Variants in RFX3 observed in about 807,000 individuals in gnomAD.
RFX3 encodes regulatory factor X3, also known as transcription factor RFX3.
RFX3 carries 14 observed loss-of-function variants against 98.6 expected under a neutral mutation model. The observed-to-expected ratio is 0.14, with a 90% CI of 0.09 to 0.22. RFX3 has a LOEUF of 0.22. Ranked by LOEUF, RFX3 falls within the 10% of genes least tolerant of loss-of-function variation. The pLI is 1.00. For missense variants in RFX3, 639 were observed against 926.9 expected (o/e 0.69, Z 4.03); for synonymous variants, 383 against 328.4 (o/e 1.17, Z -1.80).
chr9:3,317,037 C>G lies in RFX3; in HGVS notation c.474+13222G>C, dbSNP rs979511755. 2.0e-5 allele frequency among the ~76,000 whole-genome samples: 3 copies of G among 152,058 alleles called. No individual in the cohort carries two copies. In the South Asian group the frequency reaches 6.2e-4, roughly 31 times the overall value. On this transcript the variant is annotated intron_variant, in intron 4 of 16. Coordinates refer to ENST00000617270, the MANE Select transcript of RFX3 (RefSeq NM_001282116.2). ...AAACTACTTTAAAGTTCATATGGAA[C>G]CAAAAAAGAGCCCGCATTGCCCAGA...
At chr9:3,271,553 TTCTCTCTC>T (rs566339858) in intron 9 of RFX3, among the ~76,000 whole-genome samples, 1,976 of 142,242 alleles carry the variant, frequency 0.014, 20 homozygotes, top group Middle Eastern at 0.026. Context: ...CTTTCTCTCT[TTCTCTCTC>T]TCTTTCTTTC....
At chr9:3,329,861 G>A (rs1274762054) in intron 4 of RFX3, among the ~76,000 whole-genome samples, 1 of 152,076 alleles carries the variant, frequency 6.6e-6, no homozygotes, top group Non-Finnish European at 1.5e-5. Flanking sequence ...TGAAAGATGT[G>A]AAAATTCCAA....
intron 15 of RFX3, among the ~76,000 whole-genome samples, chr9:3,245,934 G>A (rs1470436073): frequency 6.6e-6 from 1 of 152,130 alleles, no homozygotes; most frequent in Non-Finnish European, 1.5e-5. Flanking sequence ...AGGATAATGT[G>A]AGGAGAACAT....
chr9:3,382,632 A>G (rs1839312932), intron 2 of RFX3, among the ~76,000 whole-genome samples: 1 of 152,158 alleles, frequency 6.6e-6, no homozygotes, highest in South Asian at 2.1e-4. Context: ...AGGTTTGTAA[A>G]GTAGTCCAAT....
chr9:3,524,570 C>A (rs1038504606), intron 1 of RFX3: 94 of 889,648 alleles, frequency 1.1e-4, no homozygotes, highest in Non-Finnish European at 1.2e-4. Context: ...AAAAAAAAAA[C>A]TCTTAAAGTA....
At chr9:3,464,037 A>G in intron 1 of RFX3, among the ~76,000 whole-genome samples, 1 of 152,184 alleles carries the variant, frequency 6.6e-6, no homozygotes, top group African/African-American at 2.4e-5. Flanking sequence ...TACATGAAAA[A>G]ATGTTCAAAA....
intron 1 of RFX3, among the ~76,000 whole-genome samples, chr9:3,399,245 G>A (rs1841229438): frequency 6.8e-6 from 1 of 147,770 alleles, no homozygotes. Context: ...GACCACCCTG[G>A]ACAATACGGT....
In RFX3 at chr9:3,243,129, T is replaced by C. The variant is rs951463688; in HGVS notation, c.1968+4903A>G. 5.9e-5 allele frequency among the ~76,000 whole-genome samples: 9 copies of C among 152,000 alleles called. No homozygotes were observed. The South Asian group carries it at 6.2e-4, about 10-fold the overall frequency. On this transcript the variant is annotated intron_variant, in intron 15 of 16. Transcript: ENST00000617270. ...TGCTCAATTTGTCTGGTCAGAGTTG[T>C]ATGGAAAGCTTTATGATTTTTAAAA...
chr9:3,351,243 A>C (rs1351768473), intron 2 of RFX3, among the ~76,000 whole-genome samples: 2 of 152,090 alleles, frequency 1.3e-5, no homozygotes, highest in Non-Finnish European at 2.9e-5. Context: ...TTGCAGTAAT[A>C]CTAAAGGTGC....
intron 1 of RFX3, among the ~76,000 whole-genome samples, chr9:3,435,146 C>T (rs925950443): frequency 2.6e-5 from 4 of 151,924 alleles, no homozygotes; most frequent in African/African-American, 9.7e-5. Flanking sequence ...TAAGACATTA[C>T]TGTACACTAC....
chr9:3,241,512 G>C lies in RFX3; in HGVS notation c.1968+6520C>G, dbSNP rs530574482. The stretch of plus-strand genomic sequence containing the variant: ...AAGAACCGCAGCCCTGGGCTGCTGA[G>C]TCAACAGATTCCTTTCTCAAATCCA... On this transcript the variant is annotated intron_variant, in intron 15 of 16. Coordinates refer to ENST00000617270, the MANE Select transcript of RFX3 (RefSeq NM_001282116.2). 4.9e-3 allele frequency among the ~76,000 whole-genome samples: 751 copies of C among 152,204 alleles called. 4 individuals carry two copies. Among genetic ancestry groups the C allele is most frequent in the Middle Eastern group, 0.01 (3 of 294 alleles).
chr9:3,515,891 C>A (rs1198582028), intron 1 of RFX3, among the ~76,000 whole-genome samples: 1 of 152,242 alleles, frequency 6.6e-6, no homozygotes, highest in Middle Eastern at 3.4e-3. Context: ...TAATTACAAT[C>A]TAAGCTTTAA....
chr9:3,351,491 A>G (rs115144028), intron 2 of RFX3, among the ~76,000 whole-genome samples: 2,521 of 152,128 alleles, frequency 0.017, 76 homozygotes, highest in African/African-American at 0.057. Context: ...CAACAACAAC[A>G]ACAAAGACAG....
intron 14 of RFX3, among the ~76,000 whole-genome samples, chr9:3,254,526 G>C (rs182034251): frequency 4.6e-5 from 7 of 151,990 alleles, no homozygotes; most frequent in Non-Finnish European, 1.0e-4. Flanking sequence ...GGGCAACTGG[G>C]AAAATATCTG....
chr9:3,301,524 A>G lies in RFX3; in HGVS notation c.549+22T>C, dbSNP rs997422402. On this transcript the variant is annotated intron_variant, in intron 5 of 16. Transcript: ENST00000617270. ...TGCAGAACAAGCAAGAGATTAGTGTACATGAAGAAGAGGCAACTTACATGG... is the reference window on the plus strand; with the variant it reads ...TGCAGAACAAGCAAGAGATTAGTGTGCATGAAGAAGAGGCAACTTACATGG... The G allele has an allele frequency of 4.5e-6, 7 of 1,539,202 alleles. No individual in the cohort carries two copies. The African/African-American group carries it at 9.5e-5, about 21-fold the overall frequency.
At chr9:3,349,705 CG>C (rs1257689616) in intron 2 of RFX3, among the ~76,000 whole-genome samples, 2 of 151,916 alleles carry the variant, frequency 1.3e-5, no homozygotes, top group Non-Finnish European at 2.9e-5. Context: ...GAAGTGCCCA[CG>C]TGTGAATACA....
intron 1 of RFX3, among the ~76,000 whole-genome samples, chr9:3,482,664 G>C (rs1165772236): frequency 1.3e-5 from 2 of 152,094 alleles, no homozygotes; most frequent in African/African-American, 2.4e-5. Flanking sequence ...TCAAACGATG[G>C]ATTCAAAATC....
At chr9:3,394,195 A>G (rs183778648) in intron 2 of RFX3, among the ~76,000 whole-genome samples, 246 of 152,190 alleles carry the variant, frequency 1.6e-3, no homozygotes, top group Middle Eastern at 6.8e-3. Context: ...CGGGCACAGT[A>G]GCTCATGCCT....
intron 2 of RFX3, among the ~76,000 whole-genome samples, chr9:3,358,424 C>G (rs927838055): frequency 5.3e-5 from 8 of 152,040 alleles, no homozygotes; most frequent in African/African-American, 1.9e-4. Flanking sequence ...AGAAATGAAA[C>G]TGGGAAAATG....
Sources: allele counts gnomAD v4.1 joint callset (sites outside exome capture counted in the v4.1 genomes callset), GRCh38; gene constraint gnomAD v4.1.1; transcripts MANE v1.5; gene names NCBI Gene and HGNC (gene_info 2026-07-23, HGNC 2026-07-21).